The following CLNK variants were observed in gnomAD, a reference collection of about 807,000 sequenced individuals.
CLNK encodes the protein cytokine-dependent hematopoietic cell linker.
Under a neutral mutation model 68.6 loss-of-function variants are expected in CLNK, and 74 were observed. The observed-to-expected ratio is 1.08, with a 90% CI of 0.89 to 1.31. The LOEUF (loss-of-function observed/expected upper bound fraction) is 1.31. CLNK is among the 50% of genes most tolerant of loss of function. The pLI is 0.00. For missense variants in CLNK, 553 were observed against 515.3 expected, an observed-to-expected ratio of 1.07 and a Z score of -0.71; for synonymous variants, 198 against 172.2, an observed-to-expected ratio of 1.15 and a Z score of -1.17.
At chr4:10,583,628 C>T (rs1720868248) in intron 4 of CLNK, among the ~76,000 whole-genome samples, 1 of 152,156 alleles carries the variant, frequency 6.6e-6, no homozygotes, top group Non-Finnish European at 1.5e-5. Flanking sequence ...TAATTTGCTG[C>T]TAAGTGTTTC....
rs193182044 is a variant in CLNK, at chr4:10,614,252, A to G, written c.12-16203T>C. Among the ~76,000 whole-genome samples, 137 of 152,310 alleles carry G rather than the reference A, an allele frequency of 9.0e-4. 2 individuals carry two copies. Among genetic ancestry groups the G allele is most frequent in the Admixed American group, 6.2e-3 (95 of 15,290 alleles). ...TGTTAGACATCTTGTGTGTATGGTA[A>G]CTAGCACGTTGATGAGTGGCTCAAA... On this transcript the variant is annotated intron_variant, in intron 2 of 18. Coordinates refer to ENST00000226951, the MANE Select transcript of CLNK (RefSeq NM_052964.4).
chr4:10,559,276 C>T (rs907217697), intron 7 of CLNK, among the ~76,000 whole-genome samples: 2 of 152,114 alleles, frequency 1.3e-5, no homozygotes, highest in East Asian at 3.9e-4. Context: ...CCCATTGAAT[C>T]CCCCATTACT....
chr4:10,545,762 T>C (rs987210600), intron 8 of CLNK, among the ~76,000 whole-genome samples: 1 of 152,194 alleles, frequency 6.6e-6, no homozygotes, highest in African/African-American at 2.4e-5. Context: ...TGACGTCTTT[T>C]GAAATCTGGT....
chr4:10,727,640 C>A, the CLNK span, among the ~76,000 whole-genome samples: 1 of 152,214 alleles, frequency 6.6e-6, no homozygotes, highest in Non-Finnish European at 1.5e-5. Flanking sequence ...GAAAGTCACA[C>A]CCCAAAGGGT....
intron 11 of CLNK, among the ~76,000 whole-genome samples, chr4:10,533,355 A>AGTTTG (rs1718627522): frequency 2.6e-5 from 4 of 152,194 alleles, no homozygotes; most frequent in African/African-American, 9.7e-5. Flanking sequence ...CTATGAAGGG[A>AGTTTG]GTGGAGTGAG....
chr4:10,692,471 G>A, the CLNK span, among the ~76,000 whole-genome samples: 6 of 152,174 alleles, frequency 3.9e-5, no homozygotes, highest in Non-Finnish European at 7.3e-5. Flanking sequence ...GAACGCGAAC[G>A]CTCTGAGACT....
At chr4:10,664,179 A>G (rs190414642) in intron 2 of CLNK, among the ~76,000 whole-genome samples, 1 of 152,296 alleles carries the variant, frequency 6.6e-6, no homozygotes, top group Admixed American at 6.5e-5. Context: ...ATTATGAGAC[A>G]TTATTCCACA....
Position 10,490,490 on chromosome 4 carries a change from T to G in CLNK, c.1264A>C (p.Thr422Pro), listed in dbSNP as rs1234420437. The G allele has an allele frequency of 3.5e-5, 57 of 1,613,230 alleles. No homozygotes were observed. The highest frequency in any genetic ancestry group is 4.3e-5 in the Non-Finnish European group (51 of 1,179,682). The change falls in exon 19 of 19, where the codon ACC becomes CCC. Residue 422 changes from threonine to proline, a missense_variant. Transcript: ENST00000226951. ...GGCTACAGAGGCAAGAGGTGTCTGG[T>G]GAGAGGGAGTGGCTGAGTGAGGTGA... The part of the protein sequence containing the change: ...QCHLTQPLPL[T>P]RHLLPL
chr4:10,663,146 C>T (rs192886132), intron 2 of CLNK, among the ~76,000 whole-genome samples: 10 of 152,298 alleles, frequency 6.6e-5, no homozygotes, highest in Non-Finnish European at 1.3e-4. Flanking sequence ...TACTGGAAAC[C>T]AAACCCCAAG....
At chr4:10,522,112 G>T (rs1216491139) in intron 14 of CLNK, among the ~76,000 whole-genome samples, 2 of 151,790 alleles carry the variant, frequency 1.3e-5, no homozygotes, top group Non-Finnish European at 2.9e-5. Flanking sequence ...TAAAAAATTA[G>T]CCGGGCATGG....
intron 8 of CLNK, among the ~76,000 whole-genome samples, chr4:10,552,636 C>A (rs374908805): frequency 6.6e-6 from 1 of 152,098 alleles, no homozygotes; most frequent in African/African-American, 2.4e-5. Flanking sequence ...CCACCCCAAT[C>A]AATCAGCAGC....
At chr4:10,511,594 C>T (rs1035073704) in intron 16 of CLNK, among the ~76,000 whole-genome samples, 66 of 152,146 alleles carry the variant, frequency 4.3e-4, no homozygotes, top group African/African-American at 1.3e-3. Flanking sequence ...ATTCTAGGTA[C>T]CTTGTATTCC....
intron 2 of CLNK, among the ~76,000 whole-genome samples, chr4:10,637,532 G>A (rs1326821539): frequency 6.4e-5 from 8 of 124,268 alleles, no homozygotes; most frequent in Non-Finnish European, 1.1e-4. Flanking sequence ...TCACATGTAT[G>A]TCCTACCTCT....
the CLNK span, among the ~76,000 whole-genome samples, chr4:10,704,769 C>G: frequency 7.9e-5 from 12 of 152,212 alleles, no homozygotes; most frequent in African/African-American, 2.9e-4. Flanking sequence ...AGTTAACACA[C>G]CTCTGAAGCT....
At chr4:10,624,593 GTTT>G (rs10559473) in intron 2 of CLNK, among the ~76,000 whole-genome samples, 25,755 of 122,878 alleles carry the variant, frequency 0.21, 2,780 homozygotes, top group Middle Eastern at 0.32. Context: ...CGCCCGGCCA[GTTT>G]TTTTTTTTTT....
intron 8 of CLNK, among the ~76,000 whole-genome samples, chr4:10,545,522 G>A (rs1486359925): frequency 6.6e-6 from 1 of 151,996 alleles, no homozygotes; most frequent in African/African-American, 2.4e-5. Flanking sequence ...CTCCCAGGTT[G>A]GCAATGCACA....
chr4:10,619,969 A>G (rs185810246), intron 2 of CLNK, among the ~76,000 whole-genome samples: 3 of 152,236 alleles, frequency 2.0e-5, no homozygotes, highest in Admixed American at 2.0e-4. Context: ...TTTCAATGGT[A>G]CAGAAAGAGG....
At chr4:10,542,411 A>G in intron 8 of CLNK, 131 bp from the exon 9 acceptor site, 1 of 649,874 alleles carries the variant, frequency 1.5e-6, no homozygotes, top group Non-Finnish European at 2.7e-6. Context: ...ATTTGCTGAG[A>G]TCATATGAGA....
chr4:10,511,196 A>C (rs1463354750), intron 16 of CLNK, among the ~76,000 whole-genome samples: 1 of 151,974 alleles, frequency 6.6e-6, no homozygotes, highest in Non-Finnish European at 1.5e-5. Flanking sequence ...TATTTGATTG[A>C]AGTCTCCTAT....
Sources: gnomAD v4.1 joint callset for allele counts (sites outside exome capture counted in the v4.1 genomes callset) on GRCh38, gnomAD v4.1.1 for gene constraint, MANE v1.5 for transcripts, NCBI Gene and HGNC (gene_info 2026-07-23, HGNC 2026-07-21) for gene names.